The following LYST variants were observed in gnomAD, a reference collection of about 807,000 sequenced individuals.
The protein encoded by LYST is lysosomal trafficking regulator, also known as lysosomal-trafficking regulator.
A neutral mutation model predicts 413.6 loss-of-function variants in LYST; 192 were observed. The observed-to-expected ratio is 0.46, with a 90% CI of 0.41 to 0.52. The LOEUF (loss-of-function observed/expected upper bound fraction) is 0.52, where lower values mean the gene tolerates loss of function less well. Ranked by LOEUF, LYST falls within the 20% of genes least tolerant of loss-of-function variation. The probability of loss-of-function intolerance (pLI) is 0.00; values close to 1 mark genes in which losing one functional copy is unlikely to be tolerated. For missense variants in LYST, 3,815 were observed against 4,499.9 expected (o/e 0.85, Z 4.35); for synonymous variants, 1,525 against 1,567.3 (o/e 0.97, Z 0.64).
At chr1:235,723,886 C>G (rs1378695235) in intron 39 of LYST, 142 bp downstream of exon 39, 1 of 710,776 alleles carries the variant, frequency 1.4e-6, no homozygotes, top group African/African-American at 1.8e-5. Context: ...CCTCATATAA[C>G]AAAGGCTTCA....
chr1:235,711,080 C>A (rs887429436), intron 43 of LYST, among the ~76,000 whole-genome samples: 2 of 152,028 alleles, frequency 1.3e-5, no homozygotes, highest in African/African-American at 4.8e-5. Flanking sequence ...TTATTTCTGA[C>A]CAATAAAAAA....
At chr1:235,818,878 C>T (rs747344923) in intron 3 of LYST, among the ~76,000 whole-genome samples, 1 of 152,234 alleles carries the variant, frequency 6.6e-6, no homozygotes, top group Non-Finnish European at 1.5e-5. Context: ...CTGCATGACA[C>T]AAGGTCCTTC....
intron 31 of LYST, chr1:235,738,049 A>AGAT (rs1664973033): frequency 6.3e-7 from 1 of 1,578,860 alleles, no homozygotes; most frequent in Non-Finnish European, 8.6e-7. Flanking sequence ...AAGGAAGAAC[A>AGAT]GATCCTCCAG....
chr1:235,731,317 A>G, intron 34 of LYST, 140 bp from the exon 35 acceptor site: 1 of 760,252 alleles, frequency 1.3e-6, no homozygotes, highest in Non-Finnish European at 2.3e-6. Context: ...ATATTTGATC[A>G]GGGAATGCAT....
At chr1:235,860,520 C>T (rs1348080870) in intron 1 of LYST, among the ~76,000 whole-genome samples, 1 of 152,172 alleles carries the variant, frequency 6.6e-6, no homozygotes, top group Non-Finnish European at 1.5e-5. Flanking sequence ...CTTCTCTCCA[C>T]CACTAATCTT....
At chr1:235,743,957 C>G in intron 30 of LYST, 22 bp downstream of exon 30, 4 of 1,209,854 alleles carry the variant, frequency 3.3e-6, no homozygotes, top group Non-Finnish European at 4.9e-6. Flanking sequence ...ATGAACATTT[C>G]CCATGTAATT....
rs572008680 is a variant in LYST, at chr1:235,769,191, C to T, written c.5922+969G>A. Among the ~76,000 whole-genome samples, 245 of 151,988 alleles carry T rather than the reference C, an allele frequency of 1.6e-3. 1 individual carries two copies. The highest frequency in any genetic ancestry group is 5.7e-3 in the African/African-American group (235 of 41,490). On this transcript the variant is annotated intron_variant, in intron 20 of 52. Transcript: ENST00000389793. ...CTCTCAGGAAGTAAGTCTTAAGTTGCCACGTGGAGGATAAGTAGGAGTTGG... is the reference window on the plus strand; with the variant it reads ...CTCTCAGGAAGTAAGTCTTAAGTTGTCACGTGGAGGATAAGTAGGAGTTGG...
In LYST at chr1:235,774,976, T is replaced by C; in HGVS notation, c.5571A>G (p.Gly1857=). 1 of 1,610,482 alleles carries C rather than the reference T, an allele frequency of 6.2e-7. No individual in the cohort carries two copies. Among genetic ancestry groups the C allele is most frequent in the Non-Finnish European group, 8.5e-7 (1 of 1,177,976 alleles). ...QRVHELENCN[G]LSMIHQVLIK... is the part of the protein sequence containing the mutation. ...TCAACACCTGATGAATCATAGAAAG[T>C]CCATTACAATTTTCTAATTCATGTA... The change falls in exon 18 of 53, where the codon GGA becomes GGG. Residue 1857 remains glycine, a synonymous_variant. Coordinates refer to ENST00000389793, the MANE Select transcript of LYST (RefSeq NM_000081.4).
chr1:235,800,189 C>T (rs915586934), intron 10 of LYST, 131 bp downstream of exon 10: 27 of 639,632 alleles, frequency 4.2e-5, no homozygotes, highest in Admixed American at 3.4e-4. Flanking sequence ...TCAAGTGATC[C>T]GCCTGCCACC....
At position 235,755,637 on chromosome 1, in the gene LYST, G is replaced by A. The variant is rs199576020; in HGVS notation, c.7070C>T (p.Ala2357Val). 3.1e-6 allele frequency: 5 copies of A among 1,598,458 alleles called. No homozygotes were observed. Among genetic ancestry groups the A allele is most frequent in the Admixed American group, 3.3e-5 (2 of 59,924 alleles). Reference sequence around the variant, plus strand: ...TTCCTTAGATGCTCTAGCAAAATATGCATCTAATAGCTAAACAAAAAATTT... The same window carrying A: ...TTCCTTAGATGCTCTAGCAAAATATACATCTAATAGCTAAACAAAAAATTT... ...IQQGVIKLLDAYFARASKEQK... is the reference protein window; with the variant it reads ...IQQGVIKLLDVYFARASKEQK... Residue 2357 changes from alanine (A) to valine (V), a missense_variant, in exon 25 of 53, where the codon GCA (alanine) becomes GTA (valine). Physicochemically the swap from Ala to Val is moderately conservative, Grantham distance 64. Around this residue, in one of 4 missense-constraint regions of LYST, gnomAD observed 771 missense variants for 837.1 expected, o/e 0.92. Transcript: ENST00000389793.
At chr1:235,766,848 G>C (rs1182084101) in intron 20 of LYST, among the ~76,000 whole-genome samples, 1 of 151,906 alleles carries the variant, frequency 6.6e-6, no homozygotes. Flanking sequence ...TATTAGTATA[G>C]GATTAGGACA....
At chr1:235,795,910 T>C (rs1426404902) in intron 10 of LYST, among the ~76,000 whole-genome samples, 2 of 151,494 alleles carry the variant, frequency 1.3e-5, no homozygotes, top group Non-Finnish European at 2.9e-5. Context: ...ATTACTATAA[T>C]CAAATATATA....
intron 3 of LYST, among the ~76,000 whole-genome samples, chr1:235,824,801 C>T (rs1675149504): frequency 6.6e-6 from 1 of 152,186 alleles, no homozygotes; most frequent in East Asian, 1.9e-4. Flanking sequence ...GCGGGTGGAT[C>T]ACGAGGTCAG....
In LYST at chr1:235,716,752, TG is replaced by T. The variant is rs753860672; in HGVS notation, c.9586del (p.Gln3196SerfsTer63). The T allele has an allele frequency of 6.3e-7, 1 of 1,595,420 alleles. No homozygotes were observed. The highest frequency in any genetic ancestry group is 8.6e-7 in the Non-Finnish European group (1 of 1,163,476). On this transcript the variant is annotated frameshift_variant, in exon 41 of 53. Coordinates refer to ENST00000389793, the MANE Select transcript of LYST (RefSeq NM_000081.4). LOFTEE classifies it high-confidence loss of function. Reference protein sequence around the residue: ...YRNLSKPIAVQYKEKEDRYVD... With the variant: ...YRNLSKPIAVXYKEKEDRYVD... ...ATAACGATCTTCTTTTTCTTTATAC[TG>T]AACAGCTATAGGTTTAGAGAGATTT... is the stretch of plus-strand genomic sequence containing the variant.
chr1:235,852,380 A>T (rs1678643746), intron 1 of LYST, among the ~76,000 whole-genome samples: 1 of 152,180 alleles, frequency 6.6e-6, no homozygotes, highest in Non-Finnish European at 1.5e-5. Context: ...AGCTCCAACA[A>T]TCTGGGGAAA....
chr1:235,763,381 T>C (rs575517273), intron 21 of LYST, among the ~76,000 whole-genome samples: 41 of 151,400 alleles, frequency 2.7e-4, no homozygotes, highest in Non-Finnish European at 2.5e-4. Context: ...GAAGTTCCCA[T>C]GTGGTAACCT....
chr1:235,762,334 G>A (rs1251454028), intron 22 of LYST, among the ~76,000 whole-genome samples: 1 of 152,148 alleles, frequency 6.6e-6, no homozygotes, highest in African/African-American at 2.4e-5. Context: ...GTAAGACAAA[G>A]TAGAGAAAAG....
intron 42 of LYST, among the ~76,000 whole-genome samples, chr1:235,713,938 TA>T (rs1459541170): frequency 6.6e-6 from 1 of 152,208 alleles, no homozygotes; most frequent in Admixed American, 6.5e-5. Context: ...AAAATATTGA[TA>T]AATTTTAGTT....
intron 50 of LYST, among the ~76,000 whole-genome samples, chr1:235,665,023 AC>A (rs1658313321): frequency 6.6e-6 from 1 of 152,078 alleles, no homozygotes; most frequent in Admixed American, 6.5e-5. Context: ...TGAACTCCTG[AC>A]CTCAAGTGAT....
Sources: allele counts gnomAD v4.1 joint callset (sites outside exome capture counted in the v4.1 genomes callset), GRCh38; gene constraint gnomAD v4.1.1; regional missense constraint gnomAD v4.1.1; transcripts MANE v1.5; gene names NCBI Gene and HGNC (gene_info 2026-07-23, HGNC 2026-07-21).